The following CLTCL1 variants were observed in gnomAD, a reference collection of about 807,000 sequenced individuals.
CLTCL1 encodes the protein clathrin heavy chain like 1.
Under a neutral mutation model 190.0 loss-of-function variants are expected in CLTCL1, and 159 were observed. The ratio of observed to expected loss-of-function variants is 0.84; its 90% confidence interval spans 0.74 to 0.95. The LOEUF is 0.95. Among genes scored for constraint, CLTCL1 ranks in the 40% least tolerant of loss-of-function variants. The pLI is 0.00. For missense variants in CLTCL1, 1,878 were observed against 2,033.4 expected (o/e 0.92, Z 1.47); for synonymous variants, 752 against 769.6 (o/e 0.98, Z 0.38).
At chr22:19,228,238 T>C (rs1012231514) in intron 11 of CLTCL1, among the ~76,000 whole-genome samples, 16 of 152,244 alleles carry the variant, frequency 1.1e-4, no homozygotes, top group Non-Finnish European at 2.4e-4. Context: ...GGTTTATCTT[T>C]ACTTCTTGTT....
At chr22:19,201,521 GAC>G in intron 22 of CLTCL1, 28 bp from the exon 23 acceptor site, 2 of 1,593,664 alleles carry the variant, frequency 1.3e-6, no homozygotes, top group East Asian at 4.5e-5. Flanking sequence ...GCTCGACTGA[GAC>G]ACTCTTCAAT....
At chr22:19,231,241 T>C (rs1488772802) in intron 10 of CLTCL1, among the ~76,000 whole-genome samples, 2 of 152,184 alleles carry the variant, frequency 1.3e-5, no homozygotes, top group Non-Finnish European at 2.9e-5. Context: ...CTCTCATATA[T>C]CTGAGATAGG....
In CLTCL1 at chr22:19,183,570, C is replaced by T. The variant is rs149854151; in HGVS notation, c.4647G>A (p.Leu1549=). The change falls in exon 30 of 33, where the codon CTG becomes CTA. Residue 1549 remains leucine, a synonymous_variant. Coordinates refer to ENST00000427926, the MANE Select transcript of CLTCL1 (RefSeq NM_007098.4). Reference sequence around the variant, plus strand: ...GGAACCACTGCAGCAACTTCTGGGCCAGCTCAGCATCCCGCGACTCTGCAG... The same window carrying T: ...GGAACCACTGCAGCAACTTCTGGGCTAGCTCAGCATCCCGCGACTCTGCAG... ...QHAAESRDAE[L]AQKLLQWFLE... The T allele has an allele frequency of 2.2e-4, 363 of 1,613,796 alleles. 1 individual carries two copies. In the African/African-American group the frequency reaches 4.0e-3, roughly 18 times the overall value.
At chr22:19,272,158 G>A (rs753920195) in intron 2 of CLTCL1, among the ~76,000 whole-genome samples, 3 of 152,148 alleles carry the variant, frequency 2.0e-5, no homozygotes, top group Admixed American at 1.3e-4. Context: ...AAAGCAGACC[G>A]TTTGCCAATC....
At chr22:19,270,367 C>T (rs536505369) in intron 2 of CLTCL1, among the ~76,000 whole-genome samples, 1 of 152,012 alleles carries the variant, frequency 6.6e-6, no homozygotes, top group African/African-American at 2.4e-5. Flanking sequence ...GGGTTGCAGA[C>T]ATGTTCCAAA....
At chr22:19,231,739 G>A (rs2085922944) in intron 10 of CLTCL1, among the ~76,000 whole-genome samples, 1 of 152,180 alleles carries the variant, frequency 6.6e-6, no homozygotes, top group Admixed American at 6.5e-5. Flanking sequence ...CATAAAGTAT[G>A]AGAAGTTTAT....
At chr22:19,230,093 CCTTGG>C (rs782770460) in intron 10 of CLTCL1, 118 bp from the exon 11 acceptor site, 18 of 741,674 alleles carry the variant, frequency 2.4e-5, no homozygotes, top group African/African-American at 6.3e-5. Flanking sequence ...TAGTTCCCTC[CCTTGG>C]TTTTTTTTTT....
chr22:19,208,588 G>T (rs1173990955), intron 21 of CLTCL1, among the ~76,000 whole-genome samples: 3 of 151,934 alleles, frequency 2.0e-5, no homozygotes, highest in African/African-American at 7.3e-5. Context: ...CATCAGAGAG[G>T]TCGGTGCCAC....
chr22:19,261,872 CAG>C (rs2086959317), intron 2 of CLTCL1, among the ~76,000 whole-genome samples: 1 of 152,152 alleles, frequency 6.6e-6, no homozygotes, highest in Non-Finnish European at 1.5e-5. Flanking sequence ...AAAGCAGCAC[CAG>C]AGTCTGAAAG....
intron 22 of CLTCL1, 198 bp downstream of exon 22, chr22:19,207,953 TATG>T (rs1263706722): frequency 2.8e-6 from 2 of 704,670 alleles, no homozygotes; most frequent in African/African-American, 1.7e-5. Context: ...TATATTACAA[TATG>T]ATAACAGTAG....
At chr22:19,239,185 G>C (rs2086172099) in intron 5 of CLTCL1, 90 bp downstream of exon 5, 2 of 981,820 alleles carry the variant, frequency 2.0e-6, no homozygotes, top group East Asian at 2.4e-5. Flanking sequence ...GACAGCAGAA[G>C]CAGACTAAAA....
At position 19,196,357 on chromosome 22, in the gene CLTCL1, T is replaced by G; in HGVS notation, c.4100A>C (p.Lys1367Thr). The change falls in exon 26 of 33, where the codon AAG (lysine) becomes ACG (threonine). Residue 1367 changes from lysine (K) to threonine (T), a missense_variant. Lys to Thr is a moderately conservative substitution (Grantham distance 78, BLOSUM62 -1). Transcript: ENST00000427926. The part of the protein sequence containing the change: ...LWAELVFLYD[K>T]YEEYDNAVLT... ...CACAGCATTGTCATACTCCTCGTAC[T>G]TGTCATAGAGGAACACCAGCTCAGC... The G allele has an allele frequency of 6.2e-7, 1 of 1,614,042 alleles. No individual in the cohort carries two copies. The highest frequency in any genetic ancestry group is 8.5e-7 in the Non-Finnish European group (1 of 1,179,894).
Position 19,285,431 on chromosome 22 carries a change from T to C in CLTCL1, c.42+6169A>G, listed in dbSNP as rs993355758. 2.6e-5 allele frequency among the ~76,000 whole-genome samples: 4 copies of C among 152,218 alleles called. No homozygotes were observed. In the South Asian group the frequency reaches 8.3e-4, roughly 31 times the overall value. On this transcript the variant is annotated intron_variant, in intron 1 of 32. Coordinates refer to ENST00000427926, the MANE Select transcript of CLTCL1 (RefSeq NM_007098.4). ...GTAGGTTAGTTCAGGGATAGTTAAC[T>C]ACATTTATATAATGCTTTACAGAAC...
chr22:19,242,195 G>A (rs1365817810), intron 4 of CLTCL1, among the ~76,000 whole-genome samples: 3 of 151,904 alleles, frequency 2.0e-5, no homozygotes, highest in Non-Finnish European at 4.4e-5. Context: ...CACCCACCTC[G>A]GCCTCCCAAA....
In CLTCL1 at chr22:19,242,886, A is replaced by T. The variant is rs1414424058; in HGVS notation, c.570T>A (p.Val190=). The change falls in exon 4 of 33, where the codon GTT becomes GTA. Residue 190 remains valine, a synonymous_variant. Transcript: ENST00000427926. ...AMQLYSVDRK[V]SQPIEGHAAA... is the part of the protein sequence containing the mutation. ...CAGCATGGCCTTCTATGGGTTGTGA[A>T]ACCTTCCTATCCACAGAGTAGAGCT... The T allele has an allele frequency of 1.9e-6, 3 of 1,613,896 alleles. No homozygotes were observed. The highest frequency in any genetic ancestry group is 2.5e-6 in the Non-Finnish European group (3 of 1,179,900).
intron 22 of CLTCL1, among the ~76,000 whole-genome samples, chr22:19,204,776 C>G (rs1216441929): frequency 6.6e-6 from 1 of 152,180 alleles, no homozygotes; most frequent in Non-Finnish European, 1.5e-5. Flanking sequence ...GGGAAACATA[C>G]ACAAACCAGG....
chr22:19,199,410 C>T (rs2084808833), intron 24 of CLTCL1, among the ~76,000 whole-genome samples: 1 of 152,176 alleles, frequency 6.6e-6, no homozygotes, highest in African/African-American at 2.4e-5. Context: ...ACCACCAGCC[C>T]AGTATTCTCA....
intron 2 of CLTCL1, among the ~76,000 whole-genome samples, chr22:19,270,878 C>G (rs980050086): frequency 6.6e-6 from 1 of 151,684 alleles, no homozygotes; most frequent in Non-Finnish European, 1.5e-5. Context: ...TGTCAAGCAG[C>G]CTTAGATCAC....
chr22:19,275,805 G>C lies in CLTCL1; in HGVS notation c.68C>G (p.Ala23Gly). 1 of 1,604,346 alleles carries C rather than the reference G, an allele frequency of 6.2e-7. No homozygotes were observed. The highest frequency in any genetic ancestry group is 8.5e-7 in the Non-Finnish European group (1 of 1,175,342). The change falls in exon 2 of 33, where the codon GCT becomes GGT. Residue 23 changes from alanine (A) to glycine (G), a missense_variant. Transcript: ENST00000427926. ...GGTCAGTGTGCTGAATCCAATGTTA[G>C]CTGGATTAATTCCAAGGTTTTGGAG... ...FQLQNLGINP[A>G]NIGFSTLTME...
Sources: gnomAD v4.1 joint callset for allele counts (sites outside exome capture counted in the v4.1 genomes callset) on GRCh38, gnomAD v4.1.1 for gene constraint, MANE v1.5 for transcripts, NCBI Gene and HGNC (gene_info 2026-07-23, HGNC 2026-07-21) for gene names.